The following LHFPL2 variants were observed in gnomAD, a reference collection of about 807,000 sequenced individuals.
LHFPL2 encodes LHFPL tetraspan subfamily member 2 protein.
A neutral mutation model predicts 17.5 loss-of-function variants in LHFPL2; 7 were observed. The ratio of observed to expected loss-of-function variants is 0.40; its 90% CI spans 0.23 to 0.75. The LOEUF (loss-of-function observed/expected upper bound fraction) is 0.75. Among genes scored for constraint, LHFPL2 ranks in the 30% least tolerant of loss-of-function variants. The probability of loss-of-function intolerance (pLI) is 0.37; values close to 1 mark genes in which losing one functional copy is unlikely to be tolerated. For missense variants in LHFPL2, 241 were observed against 294.8 expected, an observed-to-expected ratio of 0.82 and a Z score of 1.34; for synonymous variants, 134 against 116.2, an observed-to-expected ratio of 1.15 and a Z score of -0.99.
At chr5:78,545,585 T>A (rs1315044485) in intron 3 of LHFPL2, among the ~76,000 whole-genome samples, 1 of 152,222 alleles carries the variant, frequency 6.6e-6, no homozygotes, top group East Asian at 1.9e-4. Flanking sequence ...ACTACAGCGT[T>A]CATCTTGTTT....
intron 1 of LHFPL2, among the ~76,000 whole-genome samples, chr5:78,640,012 G>C (rs1333090718): frequency 1.3e-5 from 2 of 152,180 alleles, no homozygotes; most frequent in African/African-American, 4.8e-5. Flanking sequence ...AAGGAAGCTT[G>C]AACTCCAGGT....
chr5:78,642,714 G>C (rs938439062), intron 1 of LHFPL2, among the ~76,000 whole-genome samples: 1 of 152,028 alleles, frequency 6.6e-6, no homozygotes, highest in Non-Finnish European at 1.5e-5. Context: ...CTTTTTGCTG[G>C]ACATCTCTTC....
At chr5:78,602,804 C>T (rs776138951) in intron 2 of LHFPL2, among the ~76,000 whole-genome samples, 5 of 152,156 alleles carry the variant, frequency 3.3e-5, no homozygotes, top group East Asian at 3.8e-4. Flanking sequence ...CCTTATGAGC[C>T]GGGCCCATGC....
At chr5:78,552,476 C>T (rs940476875) in intron 3 of LHFPL2, among the ~76,000 whole-genome samples, 22 of 152,180 alleles carry the variant, frequency 1.4e-4, no homozygotes, top group East Asian at 5.8e-4. Flanking sequence ...CCAAGGGCCC[C>T]GGCCTCTACA....
intron 2 of LHFPL2, among the ~76,000 whole-genome samples, chr5:78,624,153 G>C (rs193134749): frequency 6.6e-6 from 1 of 152,338 alleles, no homozygotes. Flanking sequence ...AATAAGTCCT[G>C]TGATCTTTAA....
chr5:78,583,675 T>A (rs1473564636), intron 2 of LHFPL2, among the ~76,000 whole-genome samples: 1 of 152,218 alleles, frequency 6.6e-6, no homozygotes, highest in African/African-American at 2.4e-5. Flanking sequence ...TGGGCTTCCC[T>A]TTGAGGGTAA....
chr5:78,636,116 C>A (rs1354718515), intron 1 of LHFPL2, among the ~76,000 whole-genome samples: 1 of 152,192 alleles, frequency 6.6e-6, no homozygotes, highest in Admixed American at 6.5e-5. Context: ...ACACCTGGTG[C>A]CTGAGGCTGC....
At chr5:78,618,808 T>C (rs780677324) in intron 2 of LHFPL2, among the ~76,000 whole-genome samples, 9 of 152,188 alleles carry the variant, frequency 5.9e-5, no homozygotes, top group Non-Finnish European at 1.0e-4. Flanking sequence ...TAACATGCAC[T>C]GAGACTTGAA....
chr5:78,627,501 C>G (rs768032290), intron 2 of LHFPL2, among the ~76,000 whole-genome samples: 6 of 152,290 alleles, frequency 3.9e-5, no homozygotes, highest in South Asian at 2.1e-4. Flanking sequence ...CTTAAAGAAA[C>G]CTTTATTGCT....
At chr5:78,620,111 C>T (rs10079304) in intron 2 of LHFPL2, among the ~76,000 whole-genome samples, 36,284 of 116,694 alleles carry the variant, frequency 0.31, 5,905 homozygotes, top group Middle Eastern at 0.42. Flanking sequence ...AACTAGTTTA[C>T]AGTCCCACCA....
chr5:78,607,426 T>G lies in LHFPL2; in HGVS notation c.-245+24838A>C, dbSNP rs545106047. Among the ~76,000 whole-genome samples, 3 of 152,378 alleles carry G rather than the reference T, an allele frequency of 2.0e-5. No homozygotes were observed. In the South Asian group the frequency reaches 6.2e-4, roughly 32 times the overall value. On this transcript the variant is annotated intron_variant, in intron 2 of 4. Transcript: ENST00000380345. ...CCACGCCCAGCCAATGTAGTGTATC[T>G]TCTACCATAGGTTTGTATTTCGCCA...
chr5:78,570,232 T>C (rs1257585372), intron 2 of LHFPL2, among the ~76,000 whole-genome samples: 7 of 152,196 alleles, frequency 4.6e-5, no homozygotes, highest in Non-Finnish European at 8.8e-5. Flanking sequence ...CCTATGAACA[T>C]TCCCTACAGA....
intron 2 of LHFPL2, among the ~76,000 whole-genome samples, chr5:78,614,370 T>C (rs1744524595): frequency 6.6e-6 from 1 of 152,198 alleles, no homozygotes; most frequent in African/African-American, 2.4e-5. Context: ...GGGTGGGAGA[T>C]GGCAAGAAAG....
intron 4 of LHFPL2, among the ~76,000 whole-genome samples, chr5:78,494,710 T>C (rs1754551041): frequency 6.6e-6 from 1 of 152,242 alleles, no homozygotes; most frequent in Non-Finnish European, 1.5e-5. Flanking sequence ...GCGCAGCACC[T>C]GCCACACCCC....
In LHFPL2 at chr5:78,494,447, G is replaced by A. The variant is rs1426077510; in HGVS notation, c.431-5294C>T. 1.9e-5 allele frequency: 19 copies of A among 985,132 alleles called. No homozygotes were observed. The East Asian group carries it at 6.8e-4, about 35-fold the overall frequency. 61.0% of individuals were successfully genotyped at this position (985,132 alleles called of 1,614,324 possible). A position where few individuals can be genotyped will look rare whatever the true frequency, so the allele number is the denominator to read the frequency against. Reference sequence around the variant, plus strand: ...AAAAGACTCCAACATCCTCATCCCCGTGTTCTAACAGCCTCATTGTACCAA... The same window carrying A: ...AAAAGACTCCAACATCCTCATCCCCATGTTCTAACAGCCTCATTGTACCAA... On this transcript the variant is annotated intron_variant, in intron 4 of 4. Coordinates refer to ENST00000380345, the MANE Select transcript of LHFPL2 (RefSeq NM_005779.3).
At chr5:78,507,690 A>C (rs1754972410) in intron 4 of LHFPL2, among the ~76,000 whole-genome samples, 1 of 152,184 alleles carries the variant, frequency 6.6e-6, no homozygotes, top group Non-Finnish European at 1.5e-5. Flanking sequence ...GCACTCCTAC[A>C]TGACAAACCA....
intron 2 of LHFPL2, among the ~76,000 whole-genome samples, chr5:78,600,701 C>A (rs1052580808): frequency 1.3e-5 from 2 of 152,186 alleles, no homozygotes; most frequent in African/African-American, 2.4e-5. Context: ...GCACTGCAGC[C>A]TGGGCAACAA....
chr5:78,647,377 G>T (rs1745921131), intron 1 of LHFPL2, among the ~76,000 whole-genome samples: 1 of 152,172 alleles, frequency 6.6e-6, no homozygotes, highest in South Asian at 2.1e-4. Context: ...TGGCCAAGGG[G>T]TAAGGCAAAA....
chr5:78,560,942 T>A (rs926714240), intron 3 of LHFPL2, among the ~76,000 whole-genome samples: 3 of 152,202 alleles, frequency 2.0e-5, no homozygotes, highest in African/African-American at 7.2e-5. Context: ...TTAATTAAAA[T>A]TTTTAGTAGC....
Sources: allele counts gnomAD v4.1 joint callset (sites outside exome capture counted in the v4.1 genomes callset), GRCh38; gene constraint gnomAD v4.1.1; transcripts MANE v1.5; gene names NCBI Gene and HGNC (gene_info 2026-07-23, HGNC 2026-07-21).